The following HS6ST3 variants were observed in gnomAD, a reference collection of about 807,000 sequenced individuals.
HS6ST3 encodes the protein heparan-sulfate 6-O-sulfotransferase 3.
In HS6ST3, 12 loss-of-function variants were observed where a neutral mutation model predicts 36.7. The observed-to-expected ratio is 0.33, with a 90% CI of 0.21 to 0.53. HS6ST3 has a LOEUF of 0.53. HS6ST3 is among the 20% of genes least tolerant of loss of function. The pLI, the probability that HS6ST3 is intolerant of heterozygous loss-of-function variation, is 0.95. For missense variants in HS6ST3, 584 were observed against 640.9 expected (o/e 0.91, Z 0.96); for synonymous variants, 240 against 257.5 (o/e 0.93, Z 0.65).
At chr13:96,580,095 A>G (rs1027168737) in intron 1 of HS6ST3, among the ~76,000 whole-genome samples, 1 of 151,624 alleles carries the variant, frequency 6.6e-6, no homozygotes. Flanking sequence ...ATTTTTCTCC[A>G]AAATCCCTCT....
At chr13:96,619,333 T>C (rs1464546774) in intron 1 of HS6ST3, among the ~76,000 whole-genome samples, 1 of 152,232 alleles carries the variant, frequency 6.6e-6, no homozygotes, top group Non-Finnish European at 1.5e-5. Context: ...AATTATCCCA[T>C]TTTTCTATGA....
chr13:96,372,949 G>C (rs1325234154), intron 1 of HS6ST3, among the ~76,000 whole-genome samples: 3 of 152,000 alleles, frequency 2.0e-5, no homozygotes. Flanking sequence ...CAGTTCTAGA[G>C]ACCACAAATT....
intron 1 of HS6ST3, among the ~76,000 whole-genome samples, chr13:96,701,641 G>T (rs1486332904): frequency 1.3e-5 from 2 of 152,026 alleles, no homozygotes; most frequent in African/African-American, 4.8e-5. Context: ...ATTTAATGAG[G>T]GAGATGAGAA....
chr13:96,570,118 C>T (rs2056295773), intron 1 of HS6ST3, among the ~76,000 whole-genome samples: 1 of 152,134 alleles, frequency 6.6e-6, no homozygotes, highest in Non-Finnish European at 1.5e-5. Flanking sequence ...TTAATAATTA[C>T]AGGCACATTA....
chr13:96,336,224 C>T (rs1434520402), intron 1 of HS6ST3, among the ~76,000 whole-genome samples: 8 of 152,176 alleles, frequency 5.3e-5, no homozygotes, highest in Non-Finnish European at 1.2e-4. Flanking sequence ...AATTCCCTGT[C>T]CATCCTTTGC....
At chr13:96,787,109 G>C (rs189496573) in intron 1 of HS6ST3, among the ~76,000 whole-genome samples, 1 of 152,244 alleles carries the variant, frequency 6.6e-6, no homozygotes, top group Non-Finnish European at 1.5e-5. Context: ...CCCACAGTTT[G>C]TTTATCTATT....
intron 1 of HS6ST3, among the ~76,000 whole-genome samples, chr13:96,677,056 G>A (rs957658218): frequency 1.2e-4 from 18 of 152,138 alleles, no homozygotes; most frequent in African/African-American, 4.3e-4. Context: ...CTTTGTGGTA[G>A]AGCAAGGGTC....
rs1397384344 is a variant in HS6ST3, at chr13:96,304,708, TTTC to T, written c.707+213142_707+213144del. Among the ~76,000 whole-genome samples the T allele has an allele frequency of 3.1e-3, 288 of 94,238 alleles. 8 individuals are homozygous for T. The highest frequency in any genetic ancestry group is 0.013 in the African/African-American group (264 of 20,778). The allele number at this position is 94,238 out of a possible 152,430, so 61.8% of individuals were successfully genotyped here. ...CTTTCTTTCTTTCTTTCTTTCTTTC[TTTC>T]TTTTTTTTTTTTTTTTTTTTACAGA... On this transcript the variant is annotated intron_variant, in intron 1 of 1. Coordinates refer to ENST00000376705, the MANE Select transcript of HS6ST3 (RefSeq NM_153456.4).
At chr13:96,498,270 A>T (rs1566378470) in intron 1 of HS6ST3, among the ~76,000 whole-genome samples, 3 of 152,212 alleles carry the variant, frequency 2.0e-5, no homozygotes, top group Non-Finnish European at 4.4e-5. Context: ...TTAGGCAGTT[A>T]AGGGAACTTC....
At chr13:96,555,651 A>T (rs2056237614) in intron 1 of HS6ST3, among the ~76,000 whole-genome samples, 1 of 152,180 alleles carries the variant, frequency 6.6e-6, no homozygotes, top group Non-Finnish European at 1.5e-5. Flanking sequence ...TTGGGTATAG[A>T]TGTAAATATC....
At chr13:96,573,039 C>T (rs1047258621) in intron 1 of HS6ST3, among the ~76,000 whole-genome samples, 2 of 152,172 alleles carry the variant, frequency 1.3e-5, no homozygotes. Flanking sequence ...CTCACCCTAA[C>T]TCAAGGACAT....
chr13:96,376,217 A>C (rs1384108668), intron 1 of HS6ST3, among the ~76,000 whole-genome samples: 1 of 152,210 alleles, frequency 6.6e-6, no homozygotes, highest in Non-Finnish European at 1.5e-5. Context: ...CTAAGATACA[A>C]GTTTATCTTT....
intron 1 of HS6ST3, among the ~76,000 whole-genome samples, chr13:96,249,067 C>T (rs146060791): frequency 2.6e-5 from 4 of 152,298 alleles, no homozygotes; most frequent in African/African-American, 9.6e-5. Context: ...TCTCTTTCCT[C>T]TCTTCCCTGA....
intron 1 of HS6ST3, among the ~76,000 whole-genome samples, chr13:96,314,711 C>G (rs2054959564): frequency 6.6e-6 from 1 of 152,032 alleles, no homozygotes; most frequent in Non-Finnish European, 1.5e-5. Context: ...TTATTCAATT[C>G]AAATAAAGTA....
intron 1 of HS6ST3, among the ~76,000 whole-genome samples, chr13:96,630,608 C>T (rs956959315): frequency 6.6e-6 from 1 of 152,036 alleles, no homozygotes; most frequent in Non-Finnish European, 1.5e-5. Context: ...CAGACTCTGG[C>T]TCTTATCTCT....
intron 1 of HS6ST3, among the ~76,000 whole-genome samples, chr13:96,399,161 C>T (rs909047286): frequency 2.0e-5 from 3 of 152,222 alleles, no homozygotes; most frequent in South Asian, 4.1e-4. Context: ...GAATACTTCT[C>T]TGATTTTGAC....
At chr13:96,821,166 A>G (rs1878526197) in intron 1 of HS6ST3, among the ~76,000 whole-genome samples, 2 of 152,186 alleles carry the variant, frequency 1.3e-5, no homozygotes, top group South Asian at 4.1e-4. Context: ...TAAGCTGTAT[A>G]TATTCAGAGC....
At chr13:96,298,379 GA>G (rs1484490198) in intron 1 of HS6ST3, among the ~76,000 whole-genome samples, 1 of 152,142 alleles carries the variant, frequency 6.6e-6, no homozygotes, top group African/African-American at 2.4e-5. Context: ...TGAAAGATGG[GA>G]AAAGTAAATG....
At chr13:96,723,019 G>T (rs1875891078) in intron 1 of HS6ST3, among the ~76,000 whole-genome samples, 1 of 151,802 alleles carries the variant, frequency 6.6e-6, no homozygotes, top group African/African-American at 2.4e-5. Flanking sequence ...GTGTGTGTGT[G>T]TGTGTACAAG....
Sources: gnomAD v4.1 joint callset for allele counts (sites outside exome capture counted in the v4.1 genomes callset) on GRCh38, gnomAD v4.1.1 for gene constraint, MANE v1.5 for transcripts, NCBI Gene and HGNC (gene_info 2026-07-23, HGNC 2026-07-21) for gene names.